The following AFG1L variants were observed in gnomAD, a reference collection of about 807,000 sequenced individuals.
AFG1L encodes AFG1-like ATPase.
AFG1L carries 53 observed loss-of-function variants against 62.2 expected under a neutral mutation model. The ratio of observed to expected loss-of-function variants is 0.85; its 90% CI spans 0.68 to 1.07. The LOEUF is 1.07. AFG1L is among the 50% of genes least tolerant of loss of function. AFG1L has a pLI of 0.00. For missense variants in AFG1L, 555 were observed against 590.5 expected, an observed-to-expected ratio of 0.94 and a Z score of 0.62; for synonymous variants, 228 against 210.3, an observed-to-expected ratio of 1.08 and a Z score of -0.73.
intron 2 of AFG1L, 99 bp from the exon 3 acceptor site, chr6:108,346,889 C>A: frequency 1.2e-6 from 1 of 843,894 alleles, no homozygotes; most frequent in East Asian, 2.6e-5. Flanking sequence ...TATAATAGCC[C>A]CTCTTGGTTC....
At chr6:108,332,884 G>A (rs138561146) in intron 2 of AFG1L, among the ~76,000 whole-genome samples, 1,951 of 152,150 alleles carry the variant, frequency 0.013, 30 homozygotes, top group African/African-American at 0.044. Flanking sequence ...TGGGGTTACC[G>A]GCTGAGCCAT....
intron 6 of AFG1L, among the ~76,000 whole-genome samples, chr6:108,367,647 A>G (rs929142520): frequency 4.6e-5 from 7 of 152,100 alleles, no homozygotes; most frequent in Non-Finnish European, 8.8e-5. Flanking sequence ...AGGTGGAGGT[A>G]GGGGTTTCTG....
At chr6:108,347,922 T>A (rs1302473952) in intron 3 of AFG1L, among the ~76,000 whole-genome samples, 1 of 152,146 alleles carries the variant, frequency 6.6e-6, no homozygotes, top group African/African-American at 2.4e-5. Flanking sequence ...ACGAGGTCAG[T>A]TTTGGACCTA....
intron 1 of AFG1L, among the ~76,000 whole-genome samples, chr6:108,307,475 A>G (rs1299109015): frequency 6.7e-6 from 1 of 148,324 alleles, no homozygotes; most frequent in African/African-American, 2.5e-5. Context: ...CAGTGGTGTG[A>G]TCACAGCTCA....
At chr6:108,406,752 T>C (rs935413907) in intron 7 of AFG1L, among the ~76,000 whole-genome samples, 8 of 152,212 alleles carry the variant, frequency 5.3e-5, no homozygotes, top group Non-Finnish European at 1.5e-5. Flanking sequence ...CTTCTCTTTT[T>C]TCAAATTGGG....
chr6:108,513,448 G>A (rs1016536862), intron 11 of AFG1L, among the ~76,000 whole-genome samples: 3 of 152,200 alleles, frequency 2.0e-5, no homozygotes, highest in South Asian at 2.1e-4. Context: ...CTTAGCAAAC[G>A]GCACACCAGG....
chr6:108,410,868 C>T (rs889426909), intron 7 of AFG1L, among the ~76,000 whole-genome samples: 1 of 152,080 alleles, frequency 6.6e-6, no homozygotes, highest in Non-Finnish European at 1.5e-5. Context: ...GTAAGCAATG[C>T]AGAAGACGGG....
At chr6:108,406,206 A>G (rs554037235) in intron 7 of AFG1L, among the ~76,000 whole-genome samples, 322 of 152,270 alleles carry the variant, frequency 2.1e-3, no homozygotes, top group African/African-American at 7.4e-3. Flanking sequence ...AGGAACTGCC[A>G]TACTGTTTTC....
chr6:108,429,588 C>G (rs192402238), intron 7 of AFG1L, among the ~76,000 whole-genome samples: 3 of 152,188 alleles, frequency 2.0e-5, no homozygotes, highest in African/African-American at 7.2e-5. Context: ...TAGATGTAAG[C>G]ATTTGGCTTT....
chr6:108,428,673 GT>G (rs1382365658), intron 7 of AFG1L, among the ~76,000 whole-genome samples: 7 of 152,122 alleles, frequency 4.6e-5, no homozygotes, highest in Non-Finnish European at 8.8e-5. Context: ...CCTCATTGTG[GT>G]TTTAATTTGC....
chr6:108,329,667 C>T (rs1778195677), intron 2 of AFG1L, among the ~76,000 whole-genome samples: 1 of 152,030 alleles, frequency 6.6e-6, no homozygotes, highest in South Asian at 2.1e-4. Flanking sequence ...GTATATAAAA[C>T]TTTAGTTTTT....
intron 7 of AFG1L, among the ~76,000 whole-genome samples, chr6:108,431,109 CT>C (rs11390296): frequency 2.0e-5 from 3 of 149,272 alleles, no homozygotes; most frequent in Non-Finnish European, 3.0e-5. Flanking sequence ...TTTATAATTT[CT>C]TTTTTTTTTG....
chr6:108,389,971 G>GT (rs1780974771), intron 6 of AFG1L, among the ~76,000 whole-genome samples: 1 of 152,196 alleles, frequency 6.6e-6, no homozygotes, highest in Non-Finnish European at 1.5e-5. Context: ...CCTGAAGAGT[G>GT]TTTTCCAACT....
intron 10 of AFG1L, among the ~76,000 whole-genome samples, chr6:108,495,363 C>CGTAT (rs1773935761): frequency 6.6e-6 from 1 of 152,082 alleles, no homozygotes; most frequent in Non-Finnish European, 1.5e-5. Context: ...CCCTTAGGAC[C>CGTAT]GTATAATCTA....
intron 7 of AFG1L, among the ~76,000 whole-genome samples, chr6:108,445,059 A>C (rs1469096453): frequency 2.0e-5 from 3 of 152,218 alleles, no homozygotes; most frequent in Non-Finnish European, 4.4e-5. Context: ...AATGATCTTA[A>C]CTAAGTCTTC....
chr6:108,343,005 A>G (rs1267850405), intron 2 of AFG1L, among the ~76,000 whole-genome samples: 1 of 152,026 alleles, frequency 6.6e-6, no homozygotes, highest in Non-Finnish European at 1.5e-5. Flanking sequence ...AGTGCTCTTT[A>G]TAAAATATAT....
chr6:108,440,231 C>T (rs1484549159), intron 7 of AFG1L, among the ~76,000 whole-genome samples: 1 of 151,970 alleles, frequency 6.6e-6, no homozygotes, highest in Non-Finnish European at 1.5e-5. Flanking sequence ...CAGGCTGGAG[C>T]AGTCTCAGTT....
chr6:108,301,557 A>G (rs2114818426), intron 1 of AFG1L, among the ~76,000 whole-genome samples: 1 of 152,374 alleles, frequency 6.6e-6, no homozygotes, highest in East Asian at 1.9e-4. Flanking sequence ...AGGGCCATTC[A>G]TAACTCTTGA....
intron 10 of AFG1L, among the ~76,000 whole-genome samples, chr6:108,495,736 A>C (rs1773951653): frequency 6.6e-6 from 1 of 152,238 alleles, no homozygotes; most frequent in African/African-American, 2.4e-5. Flanking sequence ...TACTCTTTGC[A>C]AAGTCATTAT....
Sources: allele counts gnomAD v4.1 joint callset (sites outside exome capture counted in the v4.1 genomes callset), GRCh38; gene constraint gnomAD v4.1.1; transcripts MANE v1.5; gene names NCBI Gene and HGNC (gene_info 2026-07-23, HGNC 2026-07-21).